The following TIAM2 variants were observed in gnomAD, a reference collection of about 807,000 sequenced individuals.
The protein encoded by TIAM2 is rho guanine nucleotide exchange factor TIAM2.
In TIAM2, 80 loss-of-function variants were observed where a neutral mutation model predicts 152.9. That is an observed-to-expected ratio of 0.52 (90% confidence interval 0.44 to 0.63). The LOEUF is 0.63. Among genes scored for constraint, TIAM2 ranks in the 30% least tolerant of loss-of-function variants. TIAM2 has a pLI of 0.00. For synonymous variants in TIAM2, 804 were observed against 838.0 expected, an observed-to-expected ratio of 0.96 and a Z score of 0.70; for missense variants, 1,965 against 2,120.1, an observed-to-expected ratio of 0.93 and a Z score of 1.44.
At chr6:155,210,318 T>C (rs1781690329) in intron 14 of TIAM2, among the ~76,000 whole-genome samples, 1 of 152,006 alleles carries the variant, frequency 6.6e-6, no homozygotes, top group Non-Finnish European at 1.5e-5. Context: ...TCCCCTCCTC[T>C]TTCTTTTTCT....
chr6:155,059,499 C>A (rs956036135), intron 1 of TIAM2, among the ~76,000 whole-genome samples: 2 of 151,822 alleles, frequency 1.3e-5, no homozygotes, highest in Admixed American at 6.6e-5. Context: ...TTTTTTTAGC[C>A]GAGATCGGGT....
intron 1 of TIAM2, among the ~76,000 whole-genome samples, chr6:155,020,121 G>T (rs565581301): frequency 6.6e-6 from 1 of 152,190 alleles, no homozygotes; most frequent in Admixed American, 6.5e-5. Context: ...TTCAGGTTCT[G>T]CACCCGGCTA....
At chr6:155,133,945 G>T (rs1320397016) in intron 4 of TIAM2, among the ~76,000 whole-genome samples, 1 of 152,074 alleles carries the variant, frequency 6.6e-6, no homozygotes, top group African/African-American at 2.4e-5. Flanking sequence ...TCGAACTCCC[G>T]ACCTCAGGTG....
chr6:155,170,791 T>C (rs1346525905), intron 9 of TIAM2, among the ~76,000 whole-genome samples: 1 of 151,920 alleles, frequency 6.6e-6, no homozygotes, highest in African/African-American at 2.4e-5. Flanking sequence ...GATTTCTGCA[T>C]TTGTTTTACT....
At chr6:155,060,698 C>T (rs1296019795) in intron 1 of TIAM2, among the ~76,000 whole-genome samples, 1 of 152,050 alleles carries the variant, frequency 6.6e-6, no homozygotes, top group Non-Finnish European at 1.5e-5. Context: ...GAGTTCGAGA[C>T]CAGCCTGACC....
At chr6:155,014,248 A>C (rs954771057) in intron 1 of TIAM2, among the ~76,000 whole-genome samples, 5 of 152,056 alleles carry the variant, frequency 3.3e-5, no homozygotes, top group Non-Finnish European at 7.4e-5. Flanking sequence ...CTGTTTAGCT[A>C]GTGTTTATAC....
At chr6:155,253,088 C>T in intron 24 of TIAM2, 35 bp downstream of exon 24, 1 of 1,544,042 alleles carries the variant, frequency 6.5e-7, no homozygotes, top group Non-Finnish European at 8.9e-7. Flanking sequence ...CCAGAAAAAG[C>T]ATTTTAGTAG....
intron 1 of TIAM2, among the ~76,000 whole-genome samples, chr6:155,019,136 G>A (rs1776411871): frequency 1.3e-5 from 2 of 151,262 alleles, no homozygotes; most frequent in Non-Finnish European, 2.9e-5. Flanking sequence ...AGGAATTCAA[G>A]ACCAGCCTGG....
At chr6:155,244,406 T>C (rs1488848583) in intron 17 of TIAM2, among the ~76,000 whole-genome samples, 1 of 152,248 alleles carries the variant, frequency 6.6e-6, no homozygotes, top group Admixed American at 6.5e-5. Flanking sequence ...TTTTTCTTAA[T>C]TTGAATTCTG....
intron 2 of TIAM2, among the ~76,000 whole-genome samples, chr6:155,091,040 C>G (rs1338397818): frequency 6.6e-6 from 1 of 152,140 alleles, no homozygotes; most frequent in African/African-American, 2.4e-5. Flanking sequence ...GCGTGCTTAG[C>G]TGAAGCACGC....
intron 1 of TIAM2, among the ~76,000 whole-genome samples, chr6:155,058,583 A>G (rs1462025188): frequency 1.3e-5 from 2 of 152,196 alleles, no homozygotes; most frequent in African/African-American, 4.8e-5. Flanking sequence ...TGAGCTAATT[A>G]CTTTATGTAA....
At position 155,127,513 on chromosome 6, in the gene TIAM2, C is replaced by T. The variant is rs534358254; in HGVS notation, c.-94C>T. ...AGGCTCACTTCATGGACTCACTTTG[C>T]GTGCTTGTTAAATGTGCTGTGTTGC... On this transcript the variant is annotated 5_prime_UTR_variant, in exon 3 of 27. Coordinates refer to ENST00000682666, the MANE Select transcript of TIAM2 (RefSeq NM_012454.4). 9 of 453,566 alleles carry T rather than the reference C, an allele frequency of 2.0e-5. No homozygotes were observed. Among genetic ancestry groups the T allele is most frequent in the African/African-American group, 1.0e-4 (5 of 50,060 alleles). The allele number at this position is 453,566 out of a possible 1,614,324, so 28.1% of individuals were successfully genotyped here.
chr6:155,012,050 A>G (rs1465258600), intron 1 of TIAM2, among the ~76,000 whole-genome samples: 2 of 152,242 alleles, frequency 1.3e-5, no homozygotes, highest in African/African-American at 4.8e-5. Flanking sequence ...TTGTAAATAT[A>G]TCAAAGCTGA....
At position 155,057,462 on chromosome 6, in the gene TIAM2, A is replaced by G. The variant is rs141321278; in HGVS notation, c.-208-32827A>G. Among the ~76,000 whole-genome samples the G allele has an allele frequency of 3.4e-4, 52 of 151,340 alleles. No homozygotes were observed. In the East Asian group the frequency reaches 9.7e-3, roughly 28 times the overall value. ...AACATGATTTGTCACTGTTGATGTT[A>G]ATCTTGATCATTTGATTTAAGGTAG... On this transcript the variant is annotated intron_variant, in intron 1 of 26. Transcript: ENST00000682666.
intron 12 of TIAM2, among the ~76,000 whole-genome samples, chr6:155,180,500 T>C (rs576605893): frequency 3.0e-4 from 46 of 152,340 alleles, no homozygotes; most frequent in African/African-American, 1.1e-3. Flanking sequence ...CTTAAAATGA[T>C]TCAAACTAAT....
At chr6:155,047,742 A>C (rs1382649836) in intron 1 of TIAM2, among the ~76,000 whole-genome samples, 1 of 139,068 alleles carries the variant, frequency 7.2e-6, no homozygotes, top group African/African-American at 2.7e-5. Context: ...AGAGAGAGAG[A>C]GAGCGAGCGC....
intron 1 of TIAM2, among the ~76,000 whole-genome samples, chr6:155,083,496 T>C (rs1889489): frequency 0.36 from 55,209 of 151,884 alleles, 10,115 homozygotes; most frequent in Admixed American, 0.42. Flanking sequence ...TAATGTGCAA[T>C]GTGATTGTCT....
intron 7 of TIAM2, among the ~76,000 whole-genome samples, chr6:155,163,277 C>T (rs761528794): frequency 9.2e-5 from 14 of 152,278 alleles, no homozygotes; most frequent in East Asian, 5.8e-4. Flanking sequence ...GTTGAGATTG[C>T]GCTCAACAGC....
At chr6:155,147,732 G>A (rs746594487) in intron 6 of TIAM2, among the ~76,000 whole-genome samples, 1 of 152,260 alleles carries the variant, frequency 6.6e-6, no homozygotes, top group Non-Finnish European at 1.5e-5. Flanking sequence ...TGATCCACCT[G>A]CTTCAGCCTC....
Sources: gnomAD v4.1 joint callset for allele counts (sites outside exome capture counted in the v4.1 genomes callset) on GRCh38, gnomAD v4.1.1 for gene constraint, MANE v1.5 for transcripts, NCBI Gene and HGNC (gene_info 2026-07-23, HGNC 2026-07-21) for gene names.